DLG5: variants seen among roughly 807,000 people sequenced by gnomAD.
The protein encoded by DLG5 is discs large MAGUK scaffold protein 5, also known as disks large homolog 5.
In DLG5, 48 loss-of-function variants were observed where a neutral mutation model predicts 189.8. That is an observed-to-expected ratio of 0.25 (90% CI 0.20 to 0.32). The LOEUF is 0.32. Ranked by LOEUF, DLG5 falls within the 10% of genes least tolerant of loss-of-function variation. The probability of loss-of-function intolerance (pLI) is 1.00; values close to 1 mark genes in which losing one functional copy is unlikely to be tolerated. For missense variants in DLG5, 2,160 were observed against 2,544.7 expected (o/e 0.85, Z 3.25); for synonymous variants, 1,016 against 1,054.1 (o/e 0.96, Z 0.70).
At chr10:77,806,737 C>CCCCCCCCCCCCCAAA in intron 26 of DLG5, 21 bp downstream of exon 26, 1 of 1,592,026 alleles carries the variant, frequency 6.3e-7, no homozygotes, top group Non-Finnish European at 8.6e-7. Flanking sequence ...CCACCCCACC[C>CCCCCCCCCCCCCAAA]CAGGCCCGGA....
intron 13 of DLG5, 32 bp from the exon 14 acceptor site, chr10:77,824,508 A>G (rs763430664): frequency 6.4e-7 from 1 of 1,573,748 alleles, no homozygotes. Flanking sequence ...GTCAGGCCAC[A>G]GGCAGAGCGG....
chr10:77,923,339 T>C (rs1290710137), intron 1 of DLG5, among the ~76,000 whole-genome samples: 1 of 152,098 alleles, frequency 6.6e-6, no homozygotes, highest in African/African-American at 2.4e-5. Context: ...GAAGAAGACT[T>C]CCATTCCTTC....
chr10:77,802,358 C>T (rs1030394871), intron 27 of DLG5, among the ~76,000 whole-genome samples: 3 of 152,122 alleles, frequency 2.0e-5, no homozygotes, highest in African/African-American at 4.8e-5. Context: ...TCTCCAAAAA[C>T]GATATTAAAA....
intron 5 of DLG5, among the ~76,000 whole-genome samples, chr10:77,846,374 T>C (rs556174944): frequency 3.2e-4 from 49 of 152,222 alleles, no homozygotes; most frequent in African/African-American, 1.2e-3. Context: ...ATTGCCCTGA[T>C]TGGTGAGCAA....
At chr10:77,927,080 G>C (rs989872497), upstream of DLG5, 10 of 196,454 alleles carry the variant, frequency 5.1e-5, no homozygotes, top group Non-Finnish European at 7.1e-5. Flanking sequence ...CCGCTCCCCC[G>C]TGGCCACAGC....
At chr10:77,803,710 T>C (rs974377939) in intron 27 of DLG5, among the ~76,000 whole-genome samples, 2 of 151,870 alleles carry the variant, frequency 1.3e-5, no homozygotes, top group Non-Finnish European at 2.9e-5. Context: ...AAAGGAAGAA[T>C]AGACAAAGGG....
chr10:77,809,709 CTTG>C lies in DLG5; in HGVS notation c.4482_4484del (p.Asn1494del). ...AGACAACGCGTGGCTCCAGGGTCTT[CTTG>C]TTGGCATCTCCCGCAATCCTTTCAG... On this transcript the variant is annotated inframe_deletion, in exon 24 of 32. Transcript: ENST00000372391. 6.2e-7 allele frequency: 1 copy of C among 1,613,170 alleles called. No individual in the cohort carries two copies. Among genetic ancestry groups the C allele is most frequent in the Non-Finnish European group, 8.5e-7 (1 of 1,179,724 alleles).
At chr10:77,907,352 G>A (rs1846097098) in intron 1 of DLG5, among the ~76,000 whole-genome samples, 1 of 152,196 alleles carries the variant, frequency 6.6e-6, no homozygotes. Context: ...GCCAAGGCAG[G>A]CAGATCACTT....
At chr10:77,855,457 A>G (rs1844185283) in intron 3 of DLG5, among the ~76,000 whole-genome samples, 1 of 152,258 alleles carries the variant, frequency 6.6e-6, no homozygotes, top group African/African-American at 2.4e-5. Flanking sequence ...GCAAAAGGCC[A>G]CACAGTAAAT....
chr10:77,816,870 G>C, intron 19 of DLG5, 137 bp downstream of exon 19: 3 of 1,339,598 alleles, frequency 2.2e-6, no homozygotes, highest in Non-Finnish European at 3.1e-6. Flanking sequence ...ACACCACCAG[G>C]CCTACTGCTG....
chr10:77,909,547 A>C (rs2131830121), intron 1 of DLG5, among the ~76,000 whole-genome samples: 1 of 152,266 alleles, frequency 6.6e-6, no homozygotes, highest in African/African-American at 2.4e-5. Flanking sequence ...TCAAGACTAC[A>C]TGAAATTTCA....
chr10:77,843,561 C>A lies in DLG5; in HGVS notation c.1010G>T (p.Arg337Leu), dbSNP rs772926425. The A allele has an allele frequency of 6.8e-6, 11 of 1,614,188 alleles. No homozygotes were observed. The highest frequency in any genetic ancestry group is 1.1e-5 in the South Asian group (1 of 91,086). Reference protein sequence around the residue: ...KVAIHNADLSRLEQLGEENQR... With the variant: ...KVAIHNADLSLLEQLGEENQR... ...GTTCTCCTCCCCCAGCTGCTCCAGG[C>A]GGCTCAGGTCTGCATTGTGGATGGC... Residue 337 changes from arginine to leucine, a missense_variant, in exon 6 of 32, where the codon CGC (arginine) becomes CTC (leucine). Arg to Leu is a moderately radical substitution (Grantham distance 102). Around this residue, in one of 5 missense-constraint regions of DLG5, gnomAD observed 664 missense variants for 838.5 expected, o/e 0.79. Coordinates refer to ENST00000372391, the MANE Select transcript of DLG5 (RefSeq NM_004747.4).
At chr10:77,837,191 G>A (rs1413372838) in intron 7 of DLG5, among the ~76,000 whole-genome samples, 2 of 113,780 alleles carry the variant, frequency 1.8e-5, no homozygotes, top group Non-Finnish European at 3.2e-5. Flanking sequence ...CTCCAGCCTG[G>A]ACAACAGAGG....
At position 77,899,189 on chromosome 10, in the gene DLG5, G is replaced by C. The variant is rs535109273; in HGVS notation, c.304+27028C>G. On this transcript the variant is annotated intron_variant, in intron 1 of 31. Coordinates refer to ENST00000372391, the MANE Select transcript of DLG5 (RefSeq NM_004747.4). ...CTGACTCTGCTGTGGCAGCATCCAGGCCAGGCAGCCATCCAGGCCCTCCCA... is the reference window on the plus strand; with the variant it reads ...CTGACTCTGCTGTGGCAGCATCCAGCCCAGGCAGCCATCCAGGCCCTCCCA... 2.5e-3 allele frequency among the ~76,000 whole-genome samples: 379 copies of C among 152,274 alleles called. 3 individuals are homozygous for C. Among genetic ancestry groups the C allele is most frequent in the African/African-American group, 8.7e-3 (362 of 41,550 alleles).
At chr10:77,902,753 G>A (rs1041955935) in intron 1 of DLG5, among the ~76,000 whole-genome samples, 3 of 152,058 alleles carry the variant, frequency 2.0e-5, no homozygotes, top group Non-Finnish European at 2.9e-5. Flanking sequence ...CCAGCTACTC[G>A]GGAGGCTGAG....
chr10:77,843,983 C>T (rs1411722570), intron 5 of DLG5, among the ~76,000 whole-genome samples: 1 of 152,172 alleles, frequency 6.6e-6, no homozygotes. Flanking sequence ...CTTAGAAAGG[C>T]CTGCTTGCAA....
chr10:77,907,455 T>C (rs1846099549), intron 1 of DLG5, among the ~76,000 whole-genome samples: 1 of 152,150 alleles, frequency 6.6e-6, no homozygotes, highest in Admixed American at 6.5e-5. Context: ...GGCATGCACC[T>C]ATAGTTGCAG....
At chr10:77,795,874 G>A (rs1446278868) in intron 29 of DLG5, among the ~76,000 whole-genome samples, 187 bp downstream of exon 29, 1 of 152,162 alleles carries the variant, frequency 6.6e-6, no homozygotes, top group African/African-American at 2.4e-5. Context: ...ACCAAGGGAT[G>A]TGCTTGCAGA....
chr10:77,924,823 T>A (rs551800589), intron 1 of DLG5, among the ~76,000 whole-genome samples: 9 of 147,228 alleles, frequency 6.1e-5, no homozygotes, highest in African/African-American at 2.2e-4. Context: ...ACCTGCTGTG[T>A]GGCCAGCAAT....
Sources: allele counts gnomAD v4.1 joint callset (sites outside exome capture counted in the v4.1 genomes callset), GRCh38; gene constraint gnomAD v4.1.1; regional missense constraint gnomAD v4.1.1; transcripts MANE v1.5; gene names NCBI Gene and HGNC (gene_info 2026-07-23, HGNC 2026-07-21).